Variants in STK4 observed in about 807,000 individuals in gnomAD.
STK4 encodes serine/threonine-protein kinase 4.
STK4 carries 30 observed loss-of-function variants against 64.9 expected under a neutral mutation model. That is an observed-to-expected ratio of 0.46 (90% confidence interval 0.35 to 0.63). STK4 has a LOEUF of 0.63. Ranked by LOEUF, STK4 falls within the 20% of genes least tolerant of loss-of-function variation. The pLI is 0.01. For synonymous variants in STK4, 177 were observed against 199.0 expected (o/e 0.89, Z 0.93); for missense variants, 466 against 598.5 (o/e 0.78, Z 2.31).
chr20:44,987,169 C>G lies in STK4; in HGVS notation c.398C>G (p.Thr133Ser). 1.9e-6 allele frequency: 3 copies of G among 1,603,788 alleles called. No individual in the cohort carries two copies. The highest frequency in any genetic ancestry group is 2.6e-6 in the Non-Finnish European group (3 of 1,174,610). The change falls in exon 5 of 11, where the codon ACT (threonine) becomes AGT (serine). Residue 133 changes from threonine (T) to serine (S), a missense_variant. Thr to Ser is a moderately conservative substitution (Grantham distance 58). This residue lies in a region of STK4 where 190 missense variants were observed against 289.7 expected (regional missense o/e 0.66). Coordinates refer to ENST00000372806, the MANE Select transcript of STK4 (RefSeq NM_006282.5). ...EDEIATILQS[T>S]LKGLEYLHFM... is the part of the protein sequence containing the mutation. ...GAAATAGCTACAATATTACAATCAA[C>G]TCTTAAGGGACTTGAATACCTTCAT...
intron 10 of STK4, among the ~76,000 whole-genome samples, chr20:45,074,330 A>ATTG (rs1448713179): frequency 6.6e-6 from 1 of 152,100 alleles, no homozygotes; most frequent in Non-Finnish European, 1.5e-5. Context: ...ATATCAACTC[A>ATTG]TTGTTTTTCT....
chr20:44,988,544 T>TATATATATATATAC (rs2067576403), intron 5 of STK4, among the ~76,000 whole-genome samples: 1 of 132,622 alleles, frequency 7.5e-6, no homozygotes, highest in African/African-American at 3.2e-5. Context: ...TATATATATA[T>TATATATATATATAC]ATATATATAT....
At chr20:45,022,284 A>T (rs962961834) in intron 9 of STK4, among the ~76,000 whole-genome samples, 2 of 152,154 alleles carry the variant, frequency 1.3e-5, no homozygotes, top group African/African-American at 4.8e-5. Flanking sequence ...ATTTCACTTT[A>T]GTTTTTGGAA....
intron 7 of STK4, among the ~76,000 whole-genome samples, chr20:44,999,626 A>G (rs2067798930): frequency 6.6e-6 from 1 of 152,262 alleles, no homozygotes; most frequent in South Asian, 2.1e-4. Flanking sequence ...CTTATAAAGC[A>G]AATTTTATTA....
In STK4 at chr20:45,011,708, C is replaced by CATATATATATATATATATATAT. The variant is rs749788988; in HGVS notation, c.1147+10356_1147+10377dup. 4.8e-4 allele frequency among the ~76,000 whole-genome samples: 42 copies of CATATATATATATATATATATAT among 86,858 alleles called. 2 individuals carry two copies. Among genetic ancestry groups the CATATATATATATATATATATAT allele is most frequent in the African/African-American group, 1.3e-3 (26 of 19,790 alleles). 57.0% of individuals were successfully genotyped at this position (86,858 alleles called of 152,430 possible). On this transcript the variant is annotated intron_variant, in intron 9 of 10. Coordinates refer to ENST00000372806, the MANE Select transcript of STK4 (RefSeq NM_006282.5). Reference sequence around the variant, plus strand: ...TTTGAAAGTTCTTGTGTAGAACATACATATATATATATATATATATATTTT... The same window carrying CATATATATATATATATATATAT: ...TTTGAAAGTTCTTGTGTAGAACATACATATATATATATATATATATATATATATATATATATATATATATTTT...
At chr20:45,070,885 C>CAAAAAAAAAA (rs34886047) in intron 10 of STK4, among the ~76,000 whole-genome samples, 1 of 108,806 alleles carries the variant, frequency 9.2e-6, no homozygotes, top group African/African-American at 3.4e-5. Context: ...GACTCCGTCT[C>CAAAAAAAAAA]AAAAAAAAAA....
At chr20:44,992,318 G>T (rs899643162) in intron 5 of STK4, among the ~76,000 whole-genome samples, 3 of 151,830 alleles carry the variant, frequency 2.0e-5, no homozygotes, top group African/African-American at 7.3e-5. Flanking sequence ...GAGTACAGTG[G>T]CATGATCATG....
intron 2 of STK4, chr20:44,972,930 A>G (rs994797528): frequency 6.7e-6 from 1 of 150,150 alleles, no homozygotes; most frequent in Non-Finnish European, 1.5e-5. Context: ...ACTGCCTCCT[A>G]CCTCTCTCTG....
intron 10 of STK4, among the ~76,000 whole-genome samples, chr20:45,071,443 A>G (rs1980058507): frequency 6.6e-6 from 1 of 152,240 alleles, no homozygotes; most frequent in African/African-American, 2.4e-5. Flanking sequence ...TCTGGATGAT[A>G]TGACTGAGTC....
intron 4 of STK4, among the ~76,000 whole-genome samples, chr20:44,985,085 G>A (rs1391581933): frequency 6.6e-6 from 1 of 152,106 alleles, no homozygotes; most frequent in Non-Finnish European, 1.5e-5. Flanking sequence ...CATGAGCTTT[G>A]TTCTCTTCCA....
rs113148879 is a variant in STK4 at position 45,026,318 on chromosome 20, AGTGTGTGT to A, written c.1305+1212_1305+1219del. 6.7e-3 allele frequency among the ~76,000 whole-genome samples: 982 copies of A among 145,784 alleles called. 11 individuals carry two copies. Among genetic ancestry groups the A allele is most frequent in the African/African-American group, 0.023 (909 of 39,480 alleles). On this transcript the variant is annotated intron_variant, in intron 10 of 10. Coordinates refer to ENST00000372806, the MANE Select transcript of STK4 (RefSeq NM_006282.5). ...AAAAGGGAGGTTAGGAGACAGAAAGAGTGTGTGTGTGTGTGTGTGTGTGTGTGTGTGCA... is the reference window on the plus strand; with the variant it reads ...AAAAGGGAGGTTAGGAGACAGAAAGAGTGTGTGTGTGTGTGTGTGTGTGCA...
chr20:45,054,055 A>G (rs1366103848), intron 10 of STK4, among the ~76,000 whole-genome samples: 1 of 152,062 alleles, frequency 6.6e-6, no homozygotes, highest in Non-Finnish European at 1.5e-5. Context: ...TCTTTCCCCT[A>G]ACTACTTAGT....
intron 10 of STK4, among the ~76,000 whole-genome samples, chr20:45,035,141 A>T (rs1405813620): frequency 2.0e-5 from 3 of 152,216 alleles, no homozygotes; most frequent in Non-Finnish European, 4.4e-5. Context: ...AACACAAATC[A>T]TGCTACCATT....
intron 9 of STK4, among the ~76,000 whole-genome samples, chr20:45,018,326 G>C (rs987258021): frequency 2.0e-5 from 3 of 152,150 alleles, no homozygotes; most frequent in African/African-American, 4.8e-5. Flanking sequence ...AAGTAGAAAA[G>C]AGTCATTGTA....
chr20:45,071,944 C>G (rs1980104279), intron 10 of STK4, among the ~76,000 whole-genome samples: 1 of 151,670 alleles, frequency 6.6e-6, no homozygotes, highest in Non-Finnish European at 1.5e-5. Context: ...TTTTTTTCCC[C>G]CGTAGAGATG....
chr20:44,969,945 T>C (rs1387105223), intron 1 of STK4, among the ~76,000 whole-genome samples: 1 of 152,224 alleles, frequency 6.6e-6, no homozygotes, highest in Non-Finnish European at 1.5e-5. Flanking sequence ...GCTGATGAAA[T>C]TCGTGATTCC....
chr20:45,016,637 A>G (rs2068147835), intron 9 of STK4, among the ~76,000 whole-genome samples: 1 of 152,192 alleles, frequency 6.6e-6, no homozygotes, highest in South Asian at 2.1e-4. Flanking sequence ...ATTCATTCAG[A>G]ACACCCTGCC....
chr20:44,998,993 G>A (rs958035663), intron 7 of STK4, among the ~76,000 whole-genome samples: 1 of 151,750 alleles, frequency 6.6e-6, no homozygotes, highest in Non-Finnish European at 1.5e-5. Context: ...ACTTGAACCC[G>A]GGAGGCAGAG....
At chr20:45,026,700 C>T (rs1029447263) in intron 10 of STK4, among the ~76,000 whole-genome samples, 11 of 152,256 alleles carry the variant, frequency 7.2e-5, no homozygotes, top group African/African-American at 2.6e-4. Flanking sequence ...AGGTATTATT[C>T]TAGTTGCTGT....
Sources: gnomAD v4.1 joint callset for allele counts (sites outside exome capture counted in the v4.1 genomes callset) on GRCh38, gnomAD v4.1.1 for gene constraint, gnomAD v4.1.1 regional missense constraint, MANE v1.5 for transcripts, NCBI Gene and HGNC (gene_info 2026-07-23, HGNC 2026-07-21) for gene names.